The following CELA2A variants were observed in gnomAD, a reference collection of about 807,000 sequenced individuals.
The protein encoded by CELA2A is chymotrypsin like elastase 2A.
CELA2A carries 31 observed loss-of-function variants against 35.3 expected under a neutral mutation model. The observed-to-expected ratio is 0.88, with a 90% CI of 0.66 to 1.19. CELA2A has a LOEUF of 1.19. Among genes scored for constraint, CELA2A ranks in the 50% most tolerant of loss-of-function variants. CELA2A has a pLI of 0.00. For missense variants in CELA2A, 330 were observed against 352.9 expected, an observed-to-expected ratio of 0.94 and a Z score of 0.52; for synonymous variants, 150 against 149.8, an observed-to-expected ratio of 1.00 and a Z score of -0.01.
chr1:15,464,584 T>G (rs1570799130), intron 5 of CELA2A, among the ~76,000 whole-genome samples: 1 of 152,170 alleles, frequency 6.6e-6, no homozygotes, highest in Non-Finnish European at 1.5e-5. Flanking sequence ...TTTCCAGGGG[T>G]ACATCCACAT....
intron 7 of CELA2A, among the ~76,000 whole-genome samples, chr1:15,471,249 A>G (rs1041763652): frequency 3.3e-5 from 5 of 152,144 alleles, no homozygotes; most frequent in Non-Finnish European, 5.9e-5. Context: ...AAGTTGGCAT[A>G]TCAAAATGTT....
chr1:15,467,987 G>C (rs1708543726), intron 7 of CELA2A, among the ~76,000 whole-genome samples: 1 of 151,654 alleles, frequency 6.6e-6, no homozygotes, highest in Non-Finnish European at 1.5e-5. Context: ...AGCTACTCAG[G>C]AGACTGAGGC....
At chr1:15,464,745 C>A (rs186200909) in intron 5 of CELA2A, among the ~76,000 whole-genome samples, 145 of 152,200 alleles carry the variant, frequency 9.5e-4, no homozygotes, top group African/African-American at 3.2e-3. Context: ...CCAGACAACC[C>A]TGGGGCAGGC....
chr1:15,466,271 A>G (rs1708516910), intron 6 of CELA2A, 127 bp downstream of exon 6: 1 of 1,221,038 alleles, frequency 8.2e-7, no homozygotes, highest in South Asian at 1.4e-5. Flanking sequence ...CATGTTCCAG[A>G]TATATCTTTG....
At chr1:15,457,542 A>T in intron 2 of CELA2A, 1 of 178,434 alleles carries the variant, frequency 5.6e-6, no homozygotes, top group Non-Finnish European at 1.2e-5. Context: ...CCCAGGAGGC[A>T]GAGGTTGCAG....
intron 4 of CELA2A, 133 bp from the exon 5 acceptor site, chr1:15,463,253 C>T: frequency 2.1e-6 from 3 of 1,405,962 alleles, no homozygotes; most frequent in Non-Finnish European, 1.9e-6. Flanking sequence ...CAAACATGCC[C>T]TGGGGCCCTG....
intron 5 of CELA2A, among the ~76,000 whole-genome samples, chr1:15,465,004 T>C (rs63449362): frequency 2.3e-4 from 3 of 12,926 alleles, no homozygotes; most frequent in East Asian, 3.3e-3. Context: ...TTAACTTCCC[T>C]TTTTTTTTTT....
chr1:15,466,151 A>T lies in CELA2A; in HGVS notation c.639+7A>T. 6.2e-7 allele frequency: 1 copy of T among 1,613,350 alleles called. No individual in the cohort carries two copies. Among genetic ancestry groups the T allele is most frequent in the Non-Finnish European group, 8.5e-7 (1 of 1,179,464 alleles). On this transcript the variant is annotated splice_region_variant and intron_variant, in intron 6 of 7. Coordinates refer to ENST00000359621, the MANE Select transcript of CELA2A (RefSeq NM_033440.3). ...CGTGATCTCCAGCTGCAACGTGAGT[A>T]CCAAAATCAGGGGCTCCGCTCCATG...
Position 15,466,161 on chromosome 1 carries a change from G to A in CELA2A, c.639+17G>A, listed in dbSNP as rs375753192. 102 of 1,612,876 alleles carry A rather than the reference G, an allele frequency of 6.3e-5. No homozygotes were observed. The Middle Eastern group carries it at 6.6e-4, about 10-fold the overall frequency. ...AGCTGCAACGTGAGTACCAAAATCAGGGGCTCCGCTCCATGACAAAATGTG... is the reference window on the plus strand; with the variant it reads ...AGCTGCAACGTGAGTACCAAAATCAAGGGCTCCGCTCCATGACAAAATGTG... On this transcript the variant is annotated intron_variant, in intron 6 of 7. Transcript: ENST00000359621.
chr1:15,469,710 T>C (rs911865717), intron 7 of CELA2A, among the ~76,000 whole-genome samples: 1 of 152,146 alleles, frequency 6.6e-6, no homozygotes, highest in Non-Finnish European at 1.5e-5. Context: ...CATTAATCAT[T>C]AATGGTGCTT....
chr1:15,466,212 A>T, intron 6 of CELA2A, 68 bp downstream of exon 6: 1 of 1,536,872 alleles, frequency 6.5e-7, no homozygotes, highest in African/African-American at 1.4e-5. Flanking sequence ...ATAGAGGTCC[A>T]TCCCTCCATA....
chr1:15,459,814 G>A (rs1708408630), intron 2 of CELA2A, among the ~76,000 whole-genome samples: 1 of 151,902 alleles, frequency 6.6e-6, no homozygotes, highest in Non-Finnish European at 1.5e-5. Context: ...ATGTAAGGGG[G>A]TAGCACAAAA....
intron 2 of CELA2A, among the ~76,000 whole-genome samples, chr1:15,461,331 G>T (rs1708430804): frequency 6.6e-6 from 1 of 152,164 alleles, no homozygotes; most frequent in South Asian, 2.1e-4. Flanking sequence ...CGAAGTGTTG[G>T]GATTACAAGC....
At chr1:15,459,081 C>T (rs1157937153) in intron 2 of CELA2A, among the ~76,000 whole-genome samples, 1 of 151,652 alleles carries the variant, frequency 6.6e-6, no homozygotes, top group Non-Finnish European at 1.5e-5. Flanking sequence ...GCCTCCAACT[C>T]CTGGGCTCTG....
intron 3 of CELA2A, chr1:15,462,141 T>C (rs1180535056): frequency 4.2e-6 from 2 of 471,314 alleles, no homozygotes; most frequent in Non-Finnish European, 8.8e-6. Flanking sequence ...TTCTGCAACG[T>C]TGTTCACTTA....
intron 3 of CELA2A, among the ~76,000 whole-genome samples, chr1:15,462,450 T>C (rs1389983772): frequency 6.6e-6 from 1 of 152,228 alleles, no homozygotes; most frequent in Non-Finnish European, 1.5e-5. Flanking sequence ...GTTTTCTCTG[T>C]GTTCATCTCA....
chr1:15,458,117 ATATAG>A (rs1341316053), intron 2 of CELA2A, among the ~76,000 whole-genome samples: 7 of 152,212 alleles, frequency 4.6e-5, no homozygotes, highest in South Asian at 2.1e-4. Context: ...AATCATATAT[ATATAG>A]TAAAGATTTT....
chr1:15,467,269 G>A (rs1005485168), intron 6 of CELA2A, 117 bp from the exon 7 acceptor site: 26 of 1,072,706 alleles, frequency 2.4e-5, no homozygotes, highest in Middle Eastern at 2.2e-4. Flanking sequence ...GACCACAAGG[G>A]TCAGCTTCCG....
At position 15,466,264 on chromosome 1, in the gene CELA2A, G is replaced by T. The variant is rs928499362; in HGVS notation, c.639+120G>T. 3 of 1,244,890 alleles carry T rather than the reference G, an allele frequency of 2.4e-6. No individual in the cohort carries two copies. The African/African-American group carries it at 4.5e-5, about 19-fold the overall frequency. The allele number at this position is 1,244,890 out of a possible 1,614,324, so 77.1% of individuals were successfully genotyped here. On this transcript the variant is annotated intron_variant, in intron 6 of 7. Coordinates refer to ENST00000359621, the MANE Select transcript of CELA2A (RefSeq NM_033440.3). ...TCCTGGCAGAATTACCCCGAAACAT[G>T]TTCCAGATATATCTTTGGCCAGGCA...
Sources: allele counts gnomAD v4.1 joint callset (sites outside exome capture counted in the v4.1 genomes callset), GRCh38; gene constraint gnomAD v4.1.1; transcripts MANE v1.5; gene names NCBI Gene and HGNC (gene_info 2026-07-23, HGNC 2026-07-21).